The following RIC1 variants were observed in gnomAD, a reference collection of about 807,000 sequenced individuals.
The protein encoded by RIC1 is RIC1 partner of RAB6A GEF complex, also known as guanine nucleotide exchange factor subunit RIC1.
A neutral mutation model predicts 169.0 loss-of-function variants in RIC1; 88 were observed. The ratio of observed to expected loss-of-function variants is 0.52; its 90% CI spans 0.44 to 0.62. The LOEUF (loss-of-function observed/expected upper bound fraction) is 0.62. Among genes scored for constraint, RIC1 ranks in the 20% least tolerant of loss-of-function variants. The pLI, the probability that RIC1 is intolerant of heterozygous loss-of-function variation, is 0.00. For synonymous variants in RIC1, 790 were observed against 601.5 expected (o/e 1.31, Z -4.59); for missense variants, 1,877 against 1,725.5 (o/e 1.09, Z -1.56).
intron 1 of RIC1, among the ~76,000 whole-genome samples, chr9:5,638,418 T>G (rs934901659): frequency 6.6e-6 from 1 of 152,192 alleles, no homozygotes; most frequent in African/African-American, 2.4e-5. Context: ...TCAGTAGTAT[T>G]GGTGTTCTTC....
intron 7 of RIC1, among the ~76,000 whole-genome samples, chr9:5,735,297 C>T (rs1394275073): frequency 6.6e-6 from 1 of 152,028 alleles, no homozygotes; most frequent in African/African-American, 2.4e-5. Flanking sequence ...GACTAGAAAG[C>T]CCACACATCA....
intron 3 of RIC1, among the ~76,000 whole-genome samples, chr9:5,692,743 AG>A (rs1212283506): frequency 6.6e-6 from 1 of 152,076 alleles, no homozygotes; most frequent in African/African-American, 2.4e-5. Context: ...CCTGAAAAAT[AG>A]TGGTTATATA....
intron 1 of RIC1, among the ~76,000 whole-genome samples, chr9:5,639,420 T>TA (rs1475887500): frequency 6.6e-6 from 1 of 152,244 alleles, no homozygotes; most frequent in Non-Finnish European, 1.5e-5. Context: ...GAATTGTTCT[T>TA]ATTGATTTCT....
chr9:5,677,514 A>C (rs946867122), intron 2 of RIC1, among the ~76,000 whole-genome samples: 2 of 152,014 alleles, frequency 1.3e-5, no homozygotes, highest in Non-Finnish European at 2.9e-5. Flanking sequence ...GTGTGGGTTT[A>C]CTTCTATATA....
intron 12 of RIC1, among the ~76,000 whole-genome samples, chr9:5,751,444 C>T (rs562892650): frequency 6.6e-6 from 1 of 151,958 alleles, no homozygotes; most frequent in African/African-American, 2.4e-5. Context: ...CAACCTCCGC[C>T]TCCAGGGTTC....
At chr9:5,685,120 TAAAAG>T (rs1267173736) in intron 2 of RIC1, among the ~76,000 whole-genome samples, 2 of 151,568 alleles carry the variant, frequency 1.3e-5, no homozygotes, top group Non-Finnish European at 2.9e-5. Flanking sequence ...CTCAAGGAAA[TAAAAG>T]AGGATACAAA....
chr9:5,733,262 G>A (rs1256752827), intron 7 of RIC1, among the ~76,000 whole-genome samples: 2 of 147,896 alleles, frequency 1.4e-5, no homozygotes, highest in Non-Finnish European at 3.0e-5. Flanking sequence ...AAGTATCAAA[G>A]ATTTTTTTTT....
intron 2 of RIC1, among the ~76,000 whole-genome samples, chr9:5,684,686 C>T (rs547979560): frequency 4.6e-5 from 7 of 152,044 alleles, no homozygotes; most frequent in Non-Finnish European, 8.8e-5. Flanking sequence ...ACTTTTTCTC[C>T]CCAATTTATA....
intron 6 of RIC1, among the ~76,000 whole-genome samples, chr9:5,725,759 T>A (rs2061097109): frequency 1.3e-5 from 2 of 152,240 alleles, no homozygotes; most frequent in Non-Finnish European, 2.9e-5. Context: ...GTATGTTGTG[T>A]CTTTGTTCTC....
intron 3 of RIC1, among the ~76,000 whole-genome samples, chr9:5,694,724 T>C (rs1821787020): frequency 6.6e-6 from 1 of 151,998 alleles, no homozygotes; most frequent in African/African-American, 2.4e-5. Flanking sequence ...GCCCTGCACA[T>C]TGTTTCTGTC....
intron 3 of RIC1, among the ~76,000 whole-genome samples, chr9:5,693,263 T>C (rs937269876): frequency 6.6e-6 from 1 of 152,164 alleles, no homozygotes; most frequent in Non-Finnish European, 1.5e-5. Flanking sequence ...CACAGGAGTT[T>C]TTCTAGAGTA....
chr9:5,725,365 CTGA>C (rs1469916051), intron 6 of RIC1, among the ~76,000 whole-genome samples: 2 of 152,284 alleles, frequency 1.3e-5, no homozygotes, highest in Admixed American at 1.3e-4. Flanking sequence ...ATAGTATTCT[CTGA>C]TGGTAGTTTG....
intron 13 of RIC1, 72 bp downstream of exon 13, chr9:5,753,310 C>T (rs527565346): frequency 3.1e-6 from 4 of 1,303,810 alleles, no homozygotes; most frequent in South Asian, 1.2e-5. Context: ...TGGGAAGAGC[C>T]CTTCAGTGGG....
At chr9:5,765,233 A>G in intron 19 of RIC1, 181 bp from the exon 20 acceptor site, 1 of 587,690 alleles carries the variant, frequency 1.7e-6, no homozygotes, top group African/African-American at 1.9e-5. Context: ...TATAGTTTAC[A>G]TACACCAGAA....
At chr9:5,650,561 G>A (rs925220506) in intron 1 of RIC1, among the ~76,000 whole-genome samples, 11 of 152,006 alleles carry the variant, frequency 7.2e-5, no homozygotes, top group Non-Finnish European at 1.5e-4. Context: ...GGCTGGGGTG[G>A]GGCAGGTATG....
In RIC1 at chr9:5,647,960, T is replaced by C. The variant is rs796088292; in HGVS notation, c.145-8623T>C. Among the ~76,000 whole-genome samples, 258 of 126,758 alleles carry C rather than the reference T, an allele frequency of 2.0e-3. 3 individuals are homozygous for C. The highest frequency in any genetic ancestry group is 8.5e-3 in the African/African-American group (252 of 29,568). 83.2% of individuals were successfully genotyped at this position (126,758 alleles called of 152,430 possible). A position where few individuals can be genotyped will look rare whatever the true frequency, so the allele number is the denominator to read the frequency against. ...TGGGTGGTGGTGGTGGTGGTGGTGGTGGTGGTGGTGGTGATGGTGGTGGTG... is the reference window on the plus strand; with the variant it reads ...TGGGTGGTGGTGGTGGTGGTGGTGGCGGTGGTGGTGGTGATGGTGGTGGTG... On this transcript the variant is annotated intron_variant, in intron 1 of 25. Coordinates refer to ENST00000414202, the MANE Select transcript of RIC1 (RefSeq NM_020829.4).
intron 2 of RIC1, among the ~76,000 whole-genome samples, chr9:5,675,717 C>T (rs1390574987): frequency 1.1e-4 from 16 of 152,124 alleles, no homozygotes; most frequent in Admixed American, 1.0e-3. Context: ...AATGTACATA[C>T]AAAATGGCCT....
chr9:5,647,448 A>T (rs1447153542), intron 1 of RIC1, among the ~76,000 whole-genome samples: 2 of 152,174 alleles, frequency 1.3e-5, no homozygotes, highest in Non-Finnish European at 2.9e-5. Flanking sequence ...TGAACAGAGG[A>T]TATCTTTTCA....
chr9:5,650,209 G>C (rs1032206245), intron 1 of RIC1, among the ~76,000 whole-genome samples: 4 of 152,110 alleles, frequency 2.6e-5, no homozygotes, highest in African/African-American at 9.7e-5. Context: ...AGGTGAGTGG[G>C]TAGGTCCTTG....
Sources: gnomAD v4.1 joint callset for allele counts (sites outside exome capture counted in the v4.1 genomes callset) on GRCh38, gnomAD v4.1.1 for gene constraint, MANE v1.5 for transcripts, NCBI Gene and HGNC (gene_info 2026-07-23, HGNC 2026-07-21) for gene names.